The following CCDC192 variants were observed in gnomAD, a reference collection of about 807,000 sequenced individuals.
The protein encoded by CCDC192 is coiled-coil domain containing 192.
chr5:127,768,724 A>G (rs1384394358), intron 3 of CCDC192, among the ~76,000 whole-genome samples: 4 of 152,234 alleles, frequency 2.6e-5, no homozygotes, highest in Non-Finnish European at 5.9e-5. Context: ...GTATTAATAA[A>G]CATAAAAGTC....
intron 3 of CCDC192, among the ~76,000 whole-genome samples, chr5:127,777,785 A>C (rs981572311): frequency 1.4e-4 from 21 of 152,180 alleles, no homozygotes; most frequent in Admixed American, 1.4e-3. Flanking sequence ...TCTCTTGCAC[A>C]AGCTCTCTTT....
chr5:127,921,259 G>A lies in CCDC192; in HGVS notation c.536-19923G>A, dbSNP rs200470006. ...AAGGGAAAGAAGGAAGGGTAGGAAG[G>A]TAAGAAAAGAAAAGGAAGGAAAGGA... On this transcript the variant is annotated intron_variant, in intron 6 of 6. Coordinates refer to ENST00000514853, the MANE Select transcript of CCDC192 (RefSeq NM_001317938.2). Among the ~76,000 whole-genome samples, 3 of 151,506 alleles carry A rather than the reference G, an allele frequency of 2.0e-5. No individual in the cohort carries two copies. The East Asian group carries it at 5.8e-4, about 29-fold the overall frequency.
At chr5:127,846,420 T>C (rs1057125429) in intron 5 of CCDC192, among the ~76,000 whole-genome samples, 13 of 152,136 alleles carry the variant, frequency 8.5e-5, no homozygotes, top group South Asian at 6.2e-4. Context: ...CACACACCCC[T>C]TACGCCCACA....
At chr5:127,778,379 A>G (rs1360857504) in intron 3 of CCDC192, among the ~76,000 whole-genome samples, 1 of 152,074 alleles carries the variant, frequency 6.6e-6, no homozygotes, top group Non-Finnish European at 1.5e-5. Context: ...ACCATGTAGT[A>G]TTTTTCCTCT....
At chr5:127,885,930 T>A (rs1169535150) in intron 6 of CCDC192, among the ~76,000 whole-genome samples, 1 of 152,164 alleles carries the variant, frequency 6.6e-6, no homozygotes, top group Admixed American at 6.5e-5. Context: ...AGCCATAATT[T>A]GATATTTGCC....
intron 6 of CCDC192, among the ~76,000 whole-genome samples, chr5:127,918,234 AAGT>A (rs1477880517): frequency 2.0e-5 from 3 of 151,794 alleles, no homozygotes; most frequent in Non-Finnish European, 4.4e-5. Flanking sequence ...AAAAAAAAAA[AAGT>A]AGTATCTACA....
At chr5:127,794,339 G>T (rs77977704) in intron 3 of CCDC192, among the ~76,000 whole-genome samples, 2,004 of 152,236 alleles carry the variant, frequency 0.013, 19 homozygotes, top group African/African-American at 0.027. Flanking sequence ...GAACTTACTT[G>T]CTGTATCCTT....
chr5:127,843,232 G>T (rs1034029569), intron 5 of CCDC192, among the ~76,000 whole-genome samples: 1 of 150,522 alleles, frequency 6.6e-6, no homozygotes, highest in Non-Finnish European at 1.5e-5. Flanking sequence ...TAGAGACGAG[G>T]TTTCACCATG....
chr5:127,828,379 C>T (rs1386955030), intron 5 of CCDC192, among the ~76,000 whole-genome samples: 1 of 152,192 alleles, frequency 6.6e-6, no homozygotes, highest in East Asian at 1.9e-4. Context: ...CCTTTAGAGT[C>T]ATCTGGTAGA....
intron 3 of CCDC192, among the ~76,000 whole-genome samples, chr5:127,778,227 C>T (rs1430638513): frequency 6.6e-6 from 1 of 152,182 alleles, no homozygotes; most frequent in Non-Finnish European, 1.5e-5. Context: ...CTGTCTTCCA[C>T]CATTGAGTAC....
chr5:127,817,521 G>A (rs1038456608), intron 5 of CCDC192, among the ~76,000 whole-genome samples: 3 of 152,188 alleles, frequency 2.0e-5, no homozygotes, highest in East Asian at 1.9e-4. Context: ...TGTGTTAAGT[G>A]AAAGAAGCCA....
At chr5:127,877,617 G>A (rs942360755) in intron 6 of CCDC192, among the ~76,000 whole-genome samples, 3 of 152,084 alleles carry the variant, frequency 2.0e-5, no homozygotes, top group Non-Finnish European at 2.9e-5. Context: ...TCAATAGTCC[G>A]GGAGGTTGTC....
At chr5:127,933,282 T>C (rs1000582703) in intron 6 of CCDC192, among the ~76,000 whole-genome samples, 1 of 152,216 alleles carries the variant, frequency 6.6e-6, no homozygotes, top group African/African-American at 2.4e-5. Context: ...AAGACCTGAC[T>C]TATATTTTGA....
chr5:127,860,535 T>C (rs1423795547), intron 5 of CCDC192, among the ~76,000 whole-genome samples: 1 of 152,154 alleles, frequency 6.6e-6, no homozygotes, highest in African/African-American at 2.4e-5. Flanking sequence ...AGTAGAACTT[T>C]CCTTGTTTAA....
chr5:127,858,682 C>T (rs1751215945), intron 5 of CCDC192, among the ~76,000 whole-genome samples: 1 of 152,220 alleles, frequency 6.6e-6, no homozygotes, highest in South Asian at 2.1e-4. Context: ...TACATCGCTG[C>T]ATGAGGCATT....
chr5:127,733,643 C>G (rs569998293), intron 2 of CCDC192, among the ~76,000 whole-genome samples: 45 of 152,166 alleles, frequency 3.0e-4, no homozygotes, highest in Admixed American at 6.5e-4. Flanking sequence ...AGGCTACACG[C>G]AATTATCTTG....
intron 1 of CCDC192, among the ~76,000 whole-genome samples, chr5:127,706,441 C>T (rs1750964883): frequency 6.8e-6 from 1 of 147,568 alleles, no homozygotes; most frequent in South Asian, 2.1e-4. Flanking sequence ...GCAGTAGAAT[C>T]ACTTGAACCC....
rs1235067043 is a variant in CCDC192, at chr5:127,754,368, C to T, written c.215C>T (p.Ser72Phe). The T allele has an allele frequency of 2.5e-6, 1 of 398,702 alleles. No individual in the cohort carries two copies. The highest frequency in any genetic ancestry group is 2.1e-5 in the African/African-American group (1 of 48,646). The allele number at this position is 398,702 out of a possible 1,614,324, so 24.7% of individuals were successfully genotyped here. A position where few individuals can be genotyped will look rare whatever the true frequency, so the allele number is the denominator to read the frequency against. The change falls in exon 3 of 7, where the codon TCT becomes TTT. Residue 72 changes from serine to phenylalanine, a missense_variant. Ser to Phe is a radical substitution (Grantham distance 155). Transcript: ENST00000514853. ...GCAGAAGAAAAGGCTAAAGCTTTAT[C>T]TGAACAGGTAACACCTGTCATGGGA... ...KEAEEKAKALSEQLSVSEGTK... is the reference protein window; with the variant it reads ...KEAEEKAKALFEQLSVSEGTK...
At chr5:127,779,486 G>A (rs892005368) in intron 3 of CCDC192, among the ~76,000 whole-genome samples, 3 of 149,176 alleles carry the variant, frequency 2.0e-5, no homozygotes, top group Non-Finnish European at 4.4e-5. Context: ...TAGTAGAGAC[G>A]GGGTTTCACT....
Sources: allele counts gnomAD v4.1 joint callset (sites outside exome capture counted in the v4.1 genomes callset), GRCh38; gene constraint gnomAD v4.1.1; transcripts MANE v1.5; gene names NCBI Gene and HGNC (gene_info 2026-07-23, HGNC 2026-07-21).